Variants in TFDP1 observed in about 807,000 individuals in gnomAD.
The protein encoded by TFDP1 is transcription factor Dp-1.
A neutral mutation model predicts 48.0 loss-of-function variants in TFDP1; 6 were observed. That is an observed-to-expected ratio of 0.13 (90% CI 0.07 to 0.25). The LOEUF (loss-of-function observed/expected upper bound fraction) is 0.25, where lower values mean the gene tolerates loss of function less well. Among genes scored for constraint, TFDP1 ranks in the 10% least tolerant of loss-of-function variants. TFDP1 has a pLI of 1.00. For synonymous variants in TFDP1, 201 were observed against 211.6 expected, an observed-to-expected ratio of 0.95 and a Z score of 0.44; for missense variants, 335 against 543.0, an observed-to-expected ratio of 0.62 and a Z score of 3.81.
intron 2 of TFDP1, among the ~76,000 whole-genome samples, chr13:113,589,693 G>T (rs909716274): frequency 6.6e-6 from 1 of 152,242 alleles, no homozygotes; most frequent in Non-Finnish European, 1.5e-5. Context: ...TTCAGTCTTG[G>T]AAGGTGCTTT....
chr13:113,595,853 C>T (rs750717058), intron 2 of TFDP1, among the ~76,000 whole-genome samples: 18 of 152,198 alleles, frequency 1.2e-4, no homozygotes, highest in South Asian at 4.1e-4. Flanking sequence ...GAGGCTGAGG[C>T]GGGCGGATCA....
At chr13:113,601,146 C>T (rs896231994) in intron 2 of TFDP1, among the ~76,000 whole-genome samples, 2 of 152,162 alleles carry the variant, frequency 1.3e-5, no homozygotes, top group Admixed American at 6.5e-5. Flanking sequence ...AGGTGTTGGC[C>T]TCCGTAGCTG....
At chr13:113,638,477 CAG>C (rs2049558190) in intron 11 of TFDP1, among the ~76,000 whole-genome samples, 2 of 151,912 alleles carry the variant, frequency 1.3e-5, no homozygotes, top group Non-Finnish European at 2.9e-5. Context: ...GCTGCGATCA[CAG>C]TGCATGTATT....
At chr13:113,625,492 A>C (rs1279035883) in intron 4 of TFDP1, among the ~76,000 whole-genome samples, 5 of 60,386 alleles carry the variant, frequency 8.3e-5, no homozygotes, top group African/African-American at 7.3e-4. Context: ...GGTGTCTCTC[A>C]CGTGTTCTCA....
At chr13:113,631,792 T>G in intron 5 of TFDP1, 48 bp downstream of exon 5, 1 of 1,604,890 alleles carries the variant, frequency 6.2e-7, no homozygotes, top group Non-Finnish European at 8.5e-7. Flanking sequence ...TGCTTGCGGT[T>G]CGCACCTCCA....
At chr13:113,630,155 GCACACA>G (rs3076650) in intron 4 of TFDP1, among the ~76,000 whole-genome samples, 6,518 of 149,194 alleles carry the variant, frequency 0.044, 371 homozygotes, top group African/African-American at 0.13. Flanking sequence ...TGCCCCAGCA[GCACACA>G]CACACACACA....
At chr13:113,613,424 A>C (rs1238917670) in intron 3 of TFDP1, among the ~76,000 whole-genome samples, 1 of 152,256 alleles carries the variant, frequency 6.6e-6, no homozygotes, top group Non-Finnish European at 1.5e-5. Flanking sequence ...CTGTCCATGC[A>C]GGTGAGCACC....
chr13:113,595,598 C>T (rs1933799805), intron 2 of TFDP1, among the ~76,000 whole-genome samples: 1 of 152,158 alleles, frequency 6.6e-6, no homozygotes, highest in African/African-American at 2.4e-5. Flanking sequence ...TAGTGGTTTC[C>T]AGTTAAATCT....
At chr13:113,634,290 T>C in intron 7 of TFDP1, 1 of 640,816 alleles carries the variant, frequency 1.6e-6, no homozygotes, top group Non-Finnish European at 2.8e-6. Flanking sequence ...GATTTTTGTT[T>C]TCTTTTTAGA....
At chr13:113,637,968 A>C in intron 11 of TFDP1, 72 bp downstream of exon 11, 1 of 1,570,132 alleles carries the variant, frequency 6.4e-7, no homozygotes, top group Non-Finnish European at 8.6e-7. Flanking sequence ...AAGGCAGGGC[A>C]GCCGTCTCAG....
intron 2 of TFDP1, among the ~76,000 whole-genome samples, chr13:113,604,675 G>A (rs1481286908): frequency 2.0e-5 from 3 of 152,104 alleles, no homozygotes; most frequent in African/African-American, 7.2e-5. Context: ...GTCCCACTTA[G>A]CAGCCTCCGT....
At chr13:113,587,200 G>A (rs1016286376) in intron 2 of TFDP1, among the ~76,000 whole-genome samples, 1 of 152,170 alleles carries the variant, frequency 6.6e-6, no homozygotes, top group African/African-American at 2.4e-5. Context: ...GGGGTGGGGG[G>A]CGTGTGGAAA....
At position 113,627,614 on chromosome 13, in the gene TFDP1, G is replaced by A. The variant is rs1398067726; in HGVS notation, c.187-4009G>A. On this transcript the variant is annotated intron_variant, in intron 4 of 11. Coordinates refer to ENST00000375370, the MANE Select transcript of TFDP1 (RefSeq NM_007111.5). The surrounding 1 kb of genome is among the most constrained non-coding windows in gnomAD (Gnocchi z 4.1). ...AAAAAGTGTGCACTTAGGGCAGAAG[G>A]GATGCCTTAAATCAGGAGTCCCCAA... Among the ~76,000 whole-genome samples, 1 of 152,160 alleles carries A rather than the reference G, an allele frequency of 6.6e-6. No individual in the cohort carries two copies. The highest frequency in any genetic ancestry group is 6.5e-5 in the Admixed American group (1 of 15,278).
chr13:113,599,483 G>T (rs111656632), intron 2 of TFDP1, among the ~76,000 whole-genome samples: 3,884 of 152,268 alleles, frequency 0.026, 94 homozygotes, highest in Non-Finnish European at 0.035. Flanking sequence ...TCGCTGATGC[G>T]CCCTCACGTA....
chr13:113,596,119 T>C (rs1324660120), intron 2 of TFDP1, among the ~76,000 whole-genome samples: 1 of 152,232 alleles, frequency 6.6e-6, no homozygotes, highest in Non-Finnish European at 1.5e-5. Flanking sequence ...GTAACTTGTA[T>C]GGGACTTATT....
rs964863095 is a variant in TFDP1 at position 113,619,187 on chromosome 13, G to A, written c.80-3993G>A. Among the ~76,000 whole-genome samples the A allele has an allele frequency of 2.6e-5, 4 of 152,196 alleles. No individual in the cohort carries two copies. In the East Asian group the frequency reaches 7.7e-4, roughly 29 times the overall value. On this transcript the variant is annotated intron_variant, in intron 3 of 11. Transcript: ENST00000375370. ...GTTTCTCAGTGAATAGAAACAAGAA[G>A]CCCGGCTGGGCGTAGTGGCTAACAC...
chr13:113,636,105 C>T lies in TFDP1; in HGVS notation c.816C>T (p.Ile272=), dbSNP rs150730789. 4.8e-5 allele frequency: 78 copies of T among 1,614,206 alleles called. No homozygotes were observed. The highest frequency in any genetic ancestry group is 2.5e-4 in the African/African-American group (19 of 75,068). Reference sequence around the variant, plus strand: ...TCAACACCAGCAAGAAGACGGTCATCGACTGCAGCATCTCCAATGACAAGT... The same window carrying T: ...TCAACACCAGCAAGAAGACGGTCATTGACTGCAGCATCTCCAATGACAAGT... The part of the protein sequence containing the change: ...IIVNTSKKTV[I]DCSISNDKFE... Residue 272 remains isoleucine, a synonymous_variant, in exon 9 of 12, where the codon ATC becomes ATT. Transcript: ENST00000375370.
chr13:113,623,185 G>A lies in TFDP1; in HGVS notation c.85G>A (p.Val29Met). Residue 29 changes from valine to methionine, a missense_variant, in exon 4 of 12, where the codon GTG becomes ATG. Transcript: ENST00000375370. This position sits in a 1 kb window ranked among gnomAD's most constrained non-coding sequence, Gnocchi z 5.2. ...DQNLSPGKGV[V>M]SLVAVHPSTV... Reference sequence around the variant, plus strand: ...CTGGTGTCCTTGTGTTGCAGGCGTGGTGTCCCTCGTGGCCGTTCACCCCTC... The same window carrying A: ...CTGGTGTCCTTGTGTTGCAGGCGTGATGTCCCTCGTGGCCGTTCACCCCTC... 1 of 1,612,878 alleles carries A rather than the reference G, an allele frequency of 6.2e-7. No individual in the cohort carries two copies. Among genetic ancestry groups the A allele is most frequent in the Non-Finnish European group, 8.5e-7 (1 of 1,179,416 alleles).
intron 11 of TFDP1, among the ~76,000 whole-genome samples, chr13:113,638,628 G>T (rs538230095): frequency 6.6e-6 from 1 of 152,290 alleles, no homozygotes; most frequent in African/African-American, 2.4e-5. Context: ...ACATTTTATT[G>T]TATGAATATA....
Sources: gnomAD v4.1 joint callset for allele counts (sites outside exome capture counted in the v4.1 genomes callset) on GRCh38, gnomAD v4.1.1 for gene constraint, Gnocchi (gnomAD v3.1) non-coding constraint, MANE v1.5 for transcripts, NCBI Gene and HGNC (gene_info 2026-07-23, HGNC 2026-07-21) for gene names.